The following CAST variants were observed in gnomAD, a reference collection of about 807,000 sequenced individuals.
CAST encodes calpastatin, also known as MIR583 host.
A neutral mutation model predicts 119.6 loss-of-function variants in CAST; 76 were observed. That is an observed-to-expected ratio of 0.64 (90% CI 0.53 to 0.77). CAST has a LOEUF of 0.77. Ranked by LOEUF, CAST falls within the 30% of genes least tolerant of loss-of-function variation. The pLI is 0.00. For synonymous variants in CAST, 319 were observed against 331.6 expected (o/e 0.96, Z 0.41); for missense variants, 953 against 946.5 (o/e 1.01, Z -0.09).
the CAST span, among the ~76,000 whole-genome samples, chr5:96,283,137 A>AAAAAAAAAAAAAAAAAAG: frequency 5.3e-5 from 7 of 132,954 alleles, no homozygotes; most frequent in Non-Finnish European, 6.2e-5. Flanking sequence ...CTCAAAAAAA[A>AAAAAAAAAAAAAAAAAAG]AAAAAAAAGA....
the CAST span, among the ~76,000 whole-genome samples, chr5:96,210,891 T>C: frequency 6.6e-6 from 1 of 152,024 alleles, no homozygotes. Flanking sequence ...ATACTGTTTA[T>C]GTTTTGTTGA....
the CAST span, among the ~76,000 whole-genome samples, chr5:96,158,941 C>A: frequency 6.6e-6 from 1 of 152,086 alleles, no homozygotes; most frequent in Non-Finnish European, 1.5e-5. Flanking sequence ...ATGATTAATG[C>A]TGAAATTGAC....
In CAST at chr5:96,550,384, C is replaced by T. The variant is rs143435113; in HGVS notation, c.60+20504C>T. On this transcript the variant is annotated intron_variant, in intron 1 of 11. Transcript: ENST00000505143. ...ATAGCATCAACATCAACAAAAAGGA[C>T]ATCCACACCAAAACCTCATATGTAG... Among the ~76,000 whole-genome samples the T allele has an allele frequency of 2.9e-3, 438 of 152,268 alleles. 6 individuals are homozygous for T. Among genetic ancestry groups the T allele is most frequent in the Non-Finnish European group, 1.0e-3 (68 of 68,010 alleles).
At chr5:96,590,234 C>G (rs188794762) in intron 1 of CAST, among the ~76,000 whole-genome samples, 2 of 152,282 alleles carry the variant, frequency 1.3e-5, no homozygotes, top group Non-Finnish European at 2.9e-5. Context: ...CATCTCAGAC[C>G]TACTGAATCA....
the CAST span, among the ~76,000 whole-genome samples, chr5:96,459,221 T>C: frequency 6.6e-6 from 1 of 152,148 alleles, no homozygotes; most frequent in African/African-American, 2.4e-5. Flanking sequence ...AATGTCTGCT[T>C]TCTAGGGCTG....
intron 29 of CAST, 158 bp from the exon 30 acceptor site, chr5:96,770,373 C>A (rs1038648715): frequency 1.4e-5 from 8 of 585,066 alleles, no homozygotes; most frequent in Non-Finnish European, 2.5e-5. Flanking sequence ...TTCTCTGACA[C>A]CGTTGTTCAA....
chr5:96,756,079 A>G (rs902403707), intron 22 of CAST, among the ~76,000 whole-genome samples: 3 of 152,300 alleles, frequency 2.0e-5, no homozygotes, highest in South Asian at 2.1e-4. Flanking sequence ...CTCACACGTT[A>G]TTAGTTACCT....
chr5:96,556,430 C>T (rs2570462), intron 1 of CAST, among the ~76,000 whole-genome samples: 78,306 of 151,880 alleles, frequency 0.52, 20,397 homozygotes, highest in Admixed American at 0.55. Context: ...GGAGGAAGTG[C>T]GAACCCATGG....
intron 1 of CAST, among the ~76,000 whole-genome samples, chr5:96,603,234 G>A (rs1020887912): frequency 2.6e-5 from 4 of 152,200 alleles, no homozygotes; most frequent in Non-Finnish European, 1.5e-5. Context: ...CCATGCTATA[G>A]TAAACTACAT....
the CAST span, among the ~76,000 whole-genome samples, chr5:96,238,357 T>TCTTCTTCTTCTTCTCCTTCTTCTC: frequency 1.3e-5 from 1 of 79,600 alleles, no homozygotes; most frequent in African/African-American, 3.9e-5. Context: ...ATCTTCATCT[T>TCTTCTTCTTCTTCTCCTTCTTCTC]CTTCTTCTCC....
At chr5:96,160,285 C>T in the CAST span, among the ~76,000 whole-genome samples, 2 of 152,082 alleles carry the variant, frequency 1.3e-5, no homozygotes, top group Admixed American at 6.6e-5. Flanking sequence ...TCTCTTCAGC[C>T]CCTGGTAGCC....
the CAST span, among the ~76,000 whole-genome samples, chr5:96,466,406 A>G: frequency 6.6e-6 from 1 of 152,166 alleles, no homozygotes; most frequent in African/African-American, 2.4e-5. Flanking sequence ...AAACATGACC[A>G]TGGTTCTACA....
chr5:96,043,182 A>G, the CAST span, among the ~76,000 whole-genome samples: 27 of 152,240 alleles, frequency 1.8e-4, no homozygotes. Context: ...GATATCCTTT[A>G]CTTGGCAGAT....
Position 96,774,297 on chromosome 5 carries a change from T to TAAAG in CAST, c.*1683_*1686dup, listed in dbSNP as rs1561649027. On this transcript the variant is annotated 3_prime_UTR_variant, in exon 32 of 32. Coordinates refer to ENST00000675179, the MANE Select transcript of CAST (RefSeq NM_001750.7). ...AATGGCATACCAAAATCCAGAAGTT[T>TAAAG]AAAGATGCCTATAAAAGTAAACAAC... is the stretch of plus-strand genomic sequence containing the variant. 2 of 167,908 alleles carry TAAAG rather than the reference T, an allele frequency of 1.2e-5. No individual in the cohort carries two copies. Among genetic ancestry groups the TAAAG allele is most frequent in the African/African-American group, 2.4e-5 (1 of 41,696 alleles). The allele number at this position is 167,908 out of a possible 1,614,324, so 10.4% of individuals were successfully genotyped here.
the CAST span, among the ~76,000 whole-genome samples, chr5:96,246,187 C>CTTTTTTTT: frequency 2.5e-4 from 19 of 76,406 alleles, 1 homozygote; most frequent in African/African-American, 7.5e-4. Context: ...GTCTGTCTTC[C>CTTTTTTTT]TTTTTTTTTT....
At chr5:96,479,733 C>G in the CAST span, among the ~76,000 whole-genome samples, 2 of 152,026 alleles carry the variant, frequency 1.3e-5, no homozygotes, top group Non-Finnish European at 2.9e-5. Context: ...CAGGTGTGAG[C>G]CATGGCACCC....
the CAST span, among the ~76,000 whole-genome samples, chr5:96,519,283 C>A: frequency 1.3e-5 from 2 of 152,044 alleles, no homozygotes; most frequent in African/African-American, 4.8e-5. Flanking sequence ...AAAACAGGAC[C>A]AAGTTATTAT....
chr5:96,717,024 T>C (rs1437933972), intron 3 of CAST, among the ~76,000 whole-genome samples: 2 of 152,188 alleles, frequency 1.3e-5, no homozygotes, highest in East Asian at 3.8e-4. Context: ...CTTAAAGTAT[T>C]AAAACTGTAT....
the CAST span, among the ~76,000 whole-genome samples, chr5:96,462,298 G>A: frequency 6.6e-6 from 1 of 152,028 alleles, no homozygotes; most frequent in Admixed American, 6.6e-5. Context: ...CTTTAGCCCA[G>A]CACTTGACAT....
Sources: gnomAD v4.1 joint callset for allele counts (sites outside exome capture counted in the v4.1 genomes callset) on GRCh38, gnomAD v4.1.1 for gene constraint, MANE v1.5 for transcripts, NCBI Gene and HGNC (gene_info 2026-07-23, HGNC 2026-07-21) for gene names.